CYP2C19: variants seen among roughly 807,000 people sequenced by gnomAD.
CYP2C19 encodes cytochrome P450 2C19.
In CYP2C19, 59 loss-of-function variants were observed where a neutral mutation model predicts 40.9. That is an observed-to-expected ratio of 1.44 (90% CI 1.17 to 1.79). The LOEUF is 1.79. Among genes scored for constraint, CYP2C19 ranks in the 40% most tolerant of loss-of-function variants. The probability of loss-of-function intolerance (pLI) is 0.00; values close to 1 mark genes in which losing one functional copy is unlikely to be tolerated. For missense variants in CYP2C19, 754 were observed against 596.9 expected, an observed-to-expected ratio of 1.26 and a Z score of -2.74; for synonymous variants, 253 against 208.7, an observed-to-expected ratio of 1.21 and a Z score of -1.83.
At position 94,820,766 on chromosome 10, in the gene CYP2C19, G is replaced by T. The variant is rs1053896327; in HGVS notation, c.961+129G>T. 4.3e-6 allele frequency: 5 copies of T among 1,173,884 alleles called. No individual in the cohort carries two copies. The East Asian group carries it at 7.1e-5, about 17-fold the overall frequency. The allele number at this position is 1,173,884 out of a possible 1,614,324, so 72.7% of individuals were successfully genotyped here. A position where few individuals can be genotyped will look rare whatever the true frequency, so the allele number is the denominator to read the frequency against. On this transcript the variant is annotated intron_variant, in intron 6 of 8. Transcript: ENST00000371321. ...ATTTCTGTGCCCGCAGCTGTAATCT[G>T]TCCCAATTTAATGGTGTGATTAAAA...
chr10:94,845,469 A>T (rs1270133576), intron 7 of CYP2C19, among the ~76,000 whole-genome samples: 2 of 152,194 alleles, frequency 1.3e-5, no homozygotes, highest in Non-Finnish European at 2.9e-5. Flanking sequence ...ATTGATGCCC[A>T]ATATAAGACT....
intron 5 of CYP2C19, among the ~76,000 whole-genome samples, chr10:94,819,196 A>G (rs1849069725): frequency 7.0e-6 from 1 of 142,230 alleles, no homozygotes; most frequent in South Asian, 2.4e-4. Context: ...ACCAACGAGA[A>G]CAAAGACACA....
intron 7 of CYP2C19, among the ~76,000 whole-genome samples, chr10:94,844,469 C>T (rs1849543470): frequency 6.6e-6 from 1 of 152,142 alleles, no homozygotes; most frequent in South Asian, 2.1e-4. Flanking sequence ...TTACAATTGC[C>T]TTCTATCACA....
In CYP2C19 at chr10:94,853,300, G is replaced by T; in HGVS notation, c.*386G>T. On this transcript the variant is annotated 3_prime_UTR_variant, in exon 9 of 9. Coordinates refer to ENST00000371321, the MANE Select transcript of CYP2C19 (RefSeq NM_000769.4). The stretch of plus-strand genomic sequence containing the variant: ...CCTTCCTTCCTTTGTGCATAATGCA[G>T]GTGACAAATTAAAGAAAATAGAGTT... 2.6e-6 allele frequency: 1 copy of T among 384,036 alleles called. No homozygotes were observed. The highest frequency in any genetic ancestry group is 2.1e-5 in the South Asian group (1 of 48,614). The allele number at this position is 384,036 out of a possible 1,614,324, so 23.8% of individuals were successfully genotyped here.
At chr10:94,850,173 G>A (rs1849631568) in intron 8 of CYP2C19, 115 bp downstream of exon 8, 4 of 1,255,108 alleles carry the variant, frequency 3.2e-6, no homozygotes, top group South Asian at 1.3e-5. Flanking sequence ...ACATGATCAA[G>A]AGCACTGTTC....
At chr10:94,776,389 C>G (rs1276023004) in intron 3 of CYP2C19, 1 of 152,110 alleles carries the variant, frequency 6.6e-6, no homozygotes, top group Non-Finnish European at 1.5e-5. Flanking sequence ...TTATTTTCCA[C>G]TGCCAACTCT....
intron 5 of CYP2C19, among the ~76,000 whole-genome samples, chr10:94,816,626 G>C (rs1001253164): frequency 6.8e-6 from 1 of 148,084 alleles, no homozygotes; most frequent in Non-Finnish European, 1.5e-5. Context: ...TGTGCACATT[G>C]TGCAGGTTAG....
In CYP2C19 at chr10:94,780,446, G is replaced by A. The variant is rs1848464480; in HGVS notation, c.482-53G>A. 7 of 1,591,214 alleles carry A rather than the reference G, an allele frequency of 4.4e-6. 1 individual carries two copies. In the South Asian group the frequency reaches 4.5e-5, roughly 10 times the overall value. On this transcript the variant is annotated intron_variant, in intron 3 of 8. Transcript: ENST00000371321. ...ATTATTATCTGTTAACAAATATGAA[G>A]TGTTTTATATCTAATGTTTACTCAT...
intron 3 of CYP2C19, among the ~76,000 whole-genome samples, chr10:94,779,828 G>A (rs2134239287): frequency 6.6e-6 from 1 of 152,114 alleles, no homozygotes; most frequent in South Asian, 2.1e-4. Flanking sequence ...CCAAAGTGCT[G>A]GGATTACAGG....
intron 6 of CYP2C19, among the ~76,000 whole-genome samples, chr10:94,827,675 T>C (rs190126184): frequency 3.3e-5 from 5 of 152,136 alleles, no homozygotes; most frequent in African/African-American, 7.2e-5. Context: ...CAGTTCTGCT[T>C]TGATTTTAGT....
intron 6 of CYP2C19, among the ~76,000 whole-genome samples, chr10:94,833,992 T>A (rs902757686): frequency 1.3e-5 from 2 of 152,210 alleles, no homozygotes; most frequent in African/African-American, 2.4e-5. Context: ...CTGATTTTGG[T>A]ATCAGGGTAA....
chr10:94,835,497 G>T (rs551501087), intron 6 of CYP2C19, among the ~76,000 whole-genome samples: 5 of 152,244 alleles, frequency 3.3e-5, no homozygotes, highest in South Asian at 4.2e-4. Flanking sequence ...CCATACTAGG[G>T]GTCCTTCTAT....
At chr10:94,852,671 GT>G (rs1449067287) in intron 8 of CYP2C19, 61 bp from the exon 9 acceptor site, 12 of 1,560,154 alleles carry the variant, frequency 7.7e-6, no homozygotes, top group Middle Eastern at 2.2e-4. Context: ...TATAGAGACA[GT>G]GTTTGTCACT....
intron 6 of CYP2C19, among the ~76,000 whole-genome samples, chr10:94,824,109 A>C (rs936616109): frequency 2.0e-5 from 3 of 152,246 alleles, no homozygotes; most frequent in Non-Finnish European, 4.4e-5. Context: ...AGATGTGGTT[A>C]AGTTTAAGAA....
intron 6 of CYP2C19, 23 bp from the exon 7 acceptor site, chr10:94,842,814 A>T (rs1224530603): frequency 6.2e-7 from 1 of 1,612,766 alleles, no homozygotes. Flanking sequence ...CTTTTCCATC[A>T]GTTCTTACTT....
intron 5 of CYP2C19, among the ~76,000 whole-genome samples, chr10:94,796,238 CTATTTGT>C (rs1848684558): frequency 6.6e-6 from 1 of 152,300 alleles, no homozygotes; most frequent in Admixed American, 6.5e-5. Context: ...TTTCCCAGCA[CTATTTGT>C]TAAACAGGGA....
rs1225464908 is a variant in CYP2C19 at position 94,780,355 on chromosome 10, C to A, written c.482-144C>A. On this transcript the variant is annotated intron_variant, in intron 3 of 8. Transcript: ENST00000371321. ...GTAAAAGTGATGTGTTGATTTTATGCATGCCAAACTCTTTTTTGCTTTTAA... is the reference window on the plus strand; with the variant it reads ...GTAAAAGTGATGTGTTGATTTTATGAATGCCAAACTCTTTTTTGCTTTTAA... The A allele has an allele frequency of 3.0e-6, 3 of 995,480 alleles. No homozygotes were observed. In the Admixed American group the frequency reaches 8.5e-5, roughly 28 times the overall value. 61.7% of individuals were successfully genotyped at this position (995,480 alleles called of 1,614,324 possible). A position where few individuals can be genotyped will look rare whatever the true frequency, so the allele number is the denominator to read the frequency against.
At chr10:94,800,427 G>T (rs1055544717) in intron 5 of CYP2C19, among the ~76,000 whole-genome samples, 1 of 152,184 alleles carries the variant, frequency 6.6e-6, no homozygotes, top group East Asian at 1.9e-4. Flanking sequence ...CGTGTATGAG[G>T]TGTCTGTTGG....
At chr10:94,765,626 A>G (rs1848229997) in intron 1 of CYP2C19, among the ~76,000 whole-genome samples, 1 of 152,096 alleles carries the variant, frequency 6.6e-6, no homozygotes, top group Non-Finnish European at 1.5e-5. Context: ...GGGGATGAGA[A>G]AACATTTACT....
Sources: gnomAD v4.1 joint callset for allele counts (sites outside exome capture counted in the v4.1 genomes callset) on GRCh38, gnomAD v4.1.1 for gene constraint, MANE v1.5 for transcripts, NCBI Gene and HGNC (gene_info 2026-07-23, HGNC 2026-07-21) for gene names.